Variants in PGAP4 observed in about 807,000 individuals in gnomAD.
PGAP4 encodes the protein post-GPI attachment to proteins GalNAc transferase 4.
A neutral mutation model predicts 28.2 loss-of-function variants in PGAP4; 12 were observed. The ratio of observed to expected loss-of-function variants is 0.42; its 90% CI spans 0.27 to 0.69. The LOEUF (loss-of-function observed/expected upper bound fraction) is 0.69. Among genes scored for constraint, PGAP4 ranks in the 30% least tolerant of loss-of-function variants. The pLI is 0.22. For missense variants in PGAP4, 425 were observed against 513.5 expected (o/e 0.83, Z 1.67); for synonymous variants, 205 against 211.8 (o/e 0.97, Z 0.28).
intron 2 of PGAP4, among the ~76,000 whole-genome samples, chr9:101,505,586 A>G (rs1020049634): frequency 6.6e-6 from 1 of 152,094 alleles, no homozygotes; most frequent in African/African-American, 2.4e-5. Context: ...ATGGTTATAT[A>G]GTTTCCTTAT....
intron 2 of PGAP4, among the ~76,000 whole-genome samples, chr9:101,500,421 C>T (rs1407402130): frequency 6.6e-6 from 1 of 152,044 alleles, no homozygotes; most frequent in Non-Finnish European, 1.5e-5. Context: ...AACTCTGACT[C>T]TCCTGCCTCC....
At chr9:101,505,077 GCT>G (rs895593192) in intron 2 of PGAP4, among the ~76,000 whole-genome samples, 4 of 152,086 alleles carry the variant, frequency 2.6e-5, no homozygotes, top group Non-Finnish European at 5.9e-5. Flanking sequence ...TTTTATCTCA[GCT>G]CTGAGAGACC....
intron 1 of PGAP4, among the ~76,000 whole-genome samples, chr9:101,479,406 A>T (rs1287949317): frequency 2.6e-5 from 4 of 152,254 alleles, no homozygotes; most frequent in African/African-American, 9.6e-5. Flanking sequence ...GGAACTAGAG[A>T]CAATGAGATA....
rs1323050955 is a variant in PGAP4 at position 101,495,050 on chromosome 9, T to A, written c.-164-5850A>T. On this transcript the variant is annotated intron_variant, in intron 2 of 3. Transcript: ENST00000374851. ...TTTATATCAATACCATATCCCTAAA[T>A]GTAACTGAAAGAAGATTTACTACCA... is the stretch of plus-strand genomic sequence containing the variant. 2.9e-5 allele frequency among the ~76,000 whole-genome samples: 4 copies of A among 139,970 alleles called. No homozygotes were observed. The East Asian group carries it at 8.1e-4, about 28-fold the overall frequency. 91.8% of individuals were successfully genotyped at this position (139,970 alleles called of 152,430 possible). A position where few individuals can be genotyped will look rare whatever the true frequency, so the allele number is the denominator to read the frequency against.
Position 101,476,229 on chromosome 9 carries a change from C to T in PGAP4, c.864G>A (p.Gly288=), listed in dbSNP as rs1384441456. 5.0e-6 allele frequency: 8 copies of T among 1,614,044 alleles called. No individual in the cohort carries two copies. The highest frequency in any genetic ancestry group is 3.3e-5 in the Admixed American group (2 of 59,998). Residue 288 remains glycine (G), a synonymous_variant, in exon 2 of 2, where the codon GGG becomes GGA. Coordinates refer to ENST00000374848, the MANE Select transcript of PGAP4 (RefSeq NM_032342.3). This position sits in a 1 kb window ranked among gnomAD's most constrained non-coding sequence, Gnocchi z 7.0. ...WIYMRFASRP[G]FSWPVMLFFS... is the part of the protein sequence containing the mutation. ...AGAAGAGCATTACAGGCCAGCTAAA[C>T]CCTGGGCGGCTGGCAAACCTCATGT...
At chr9:101,502,086 T>A (rs1326562318) in intron 2 of PGAP4, among the ~76,000 whole-genome samples, 1 of 152,070 alleles carries the variant, frequency 6.6e-6, no homozygotes, top group Non-Finnish European at 1.5e-5. Flanking sequence ...ACCAAACACA[T>A]CTCAGGGTAG....
intron 2 of PGAP4, among the ~76,000 whole-genome samples, chr9:101,530,823 C>T (rs548746353): frequency 1.3e-3 from 197 of 152,310 alleles, no homozygotes; most frequent in Middle Eastern, 6.8e-3. Context: ...GTGTCAATTT[C>T]GCTGGGCCAC....
upstream of PGAP4, chr9:101,533,539 C>T (rs554086036): frequency 6.6e-6 from 1 of 152,406 alleles, no homozygotes. Context: ...GTGATGGCAA[C>T]CCCAATGACA....
upstream of PGAP4, among the ~76,000 whole-genome samples, chr9:101,488,751 C>T (rs1372124085): frequency 2.0e-5 from 3 of 152,074 alleles, no homozygotes; most frequent in South Asian, 2.1e-4. Flanking sequence ...ATAATCAGTC[C>T]CTCAGTAGCA....
intron 2 of PGAP4, among the ~76,000 whole-genome samples, chr9:101,509,132 C>T (rs1462856581): frequency 6.6e-6 from 1 of 152,202 alleles, no homozygotes; most frequent in Non-Finnish European, 1.5e-5. Context: ...TGTATCCATT[C>T]CTTCCCAGTC....
At chr9:101,513,699 C>T (rs7866293) in intron 2 of PGAP4, among the ~76,000 whole-genome samples, 2,446 of 107,382 alleles carry the variant, frequency 0.023, 63 homozygotes, top group African/African-American at 0.088. Context: ...GATAGATAGA[C>T]AGATAGATAA....
At chr9:101,511,168 G>A (rs903060697) in intron 2 of PGAP4, among the ~76,000 whole-genome samples, 2 of 152,154 alleles carry the variant, frequency 1.3e-5, no homozygotes, top group Non-Finnish European at 2.9e-5. Context: ...TAATGCTGCT[G>A]CTGATCTGAC....
chr9:101,476,932 C>T lies in PGAP4; in HGVS notation c.161G>A (p.Arg54His), dbSNP rs751875311. The change falls in exon 2 of 2, where the codon CGC (arginine) becomes CAC (histidine). Residue 54 changes from arginine to histidine, a missense_variant. Transcript: ENST00000374848. This position sits in a 1 kb window ranked among gnomAD's most constrained non-coding sequence, Gnocchi z 7.0. ...HRLLHSYFYLRHWHLNQMSQE... is the reference protein window; with the variant it reads ...HRLLHSYFYLHHWHLNQMSQE... ...GCTCATTTGGTTCAGATGCCAATGG[C>T]GCAGATAGAAGTAAGAGTGTAGAAG... 3.2e-5 allele frequency: 52 copies of T among 1,613,930 alleles called. No homozygotes were observed. Among genetic ancestry groups the T allele is most frequent in the Admixed American group, 1.2e-4 (7 of 59,998 alleles).
upstream of PGAP4, among the ~76,000 whole-genome samples, chr9:101,488,171 T>C (rs540957416): frequency 2.0e-5 from 3 of 152,328 alleles, no homozygotes; most frequent in East Asian, 1.9e-4. Context: ...GGTTCTGACA[T>C]ACTGCCATCA....
intron 2 of PGAP4, among the ~76,000 whole-genome samples, chr9:101,519,343 G>A (rs775489402): frequency 6.6e-5 from 10 of 152,092 alleles, no homozygotes; most frequent in South Asian, 2.1e-4. Flanking sequence ...TATGTTAGTC[G>A]AGACGGGGTT....
At chr9:101,516,006 A>G (rs950469027) in intron 2 of PGAP4, among the ~76,000 whole-genome samples, 8 of 152,170 alleles carry the variant, frequency 5.3e-5, no homozygotes, top group Non-Finnish European at 8.8e-5. Context: ...GTGGTTCTAC[A>G]TGGTAAAATT....
At chr9:101,501,641 A>T in intron 2 of PGAP4, 3 of 498,276 alleles carry the variant, frequency 6.0e-6, no homozygotes, top group South Asian at 2.9e-5. Context: ...GAAACATTTC[A>T]TTTAGAAATC....
intron 2 of PGAP4, among the ~76,000 whole-genome samples, chr9:101,530,117 A>C (rs1236130068): frequency 1.3e-5 from 2 of 152,264 alleles, no homozygotes; most frequent in Non-Finnish European, 2.9e-5. Flanking sequence ...TGTAGAAAAA[A>C]ACAATAAACA....
chr9:101,484,548 G>A (rs1290130376), intron 1 of PGAP4, among the ~76,000 whole-genome samples: 1 of 152,094 alleles, frequency 6.6e-6, no homozygotes, highest in Admixed American at 6.5e-5. Flanking sequence ...GTCTTTGGAA[G>A]GTAATCAGGT....
Sources: allele counts gnomAD v4.1 joint callset (sites outside exome capture counted in the v4.1 genomes callset), GRCh38; gene constraint gnomAD v4.1.1; non-coding constraint Gnocchi (gnomAD v3.1); transcripts MANE v1.5; gene names NCBI Gene and HGNC (gene_info 2026-07-23, HGNC 2026-07-21).